SYN3: variants seen among roughly 807,000 people sequenced by gnomAD.
The protein encoded by SYN3 is synapsin-3.
A neutral mutation model predicts 65.8 loss-of-function variants in SYN3; 35 were observed. The ratio of observed to expected loss-of-function variants is 0.53; its 90% confidence interval spans 0.41 to 0.70. The LOEUF (loss-of-function observed/expected upper bound fraction) is 0.70. Ranked by LOEUF, SYN3 falls within the 30% of genes least tolerant of loss-of-function variation. SYN3 has a pLI of 0.00. For missense variants in SYN3, 680 were observed against 749.0 expected, an observed-to-expected ratio of 0.91 and a Z score of 1.08; for synonymous variants, 270 against 292.9, an observed-to-expected ratio of 0.92 and a Z score of 0.80.
intron 6 of SYN3, among the ~76,000 whole-genome samples, chr22:32,677,077 T>C (rs1017117254): frequency 3.9e-5 from 6 of 152,314 alleles, no homozygotes; most frequent in Admixed American, 2.6e-4. Flanking sequence ...ATATTGGACA[T>C]ACATGTTGTG....
intron 6 of SYN3, among the ~76,000 whole-genome samples, chr22:32,736,912 C>CT (rs1468739134): frequency 6.6e-6 from 1 of 152,124 alleles, no homozygotes; most frequent in Non-Finnish European, 1.5e-5. Flanking sequence ...CTCTCCTATT[C>CT]TTTTTTCACT....
intron 7 of SYN3, chr22:32,583,884 C>T (rs2058985187): frequency 6.6e-6 from 1 of 152,202 alleles, no homozygotes; most frequent in African/African-American, 2.4e-5. Context: ...TAGCTACGAT[C>T]AGTGACCATG....
intron 1 of SYN3, among the ~76,000 whole-genome samples, chr22:33,021,626 C>T (rs769093098): frequency 2.2e-4 from 33 of 152,192 alleles, no homozygotes; most frequent in Admixed American, 6.5e-4. Flanking sequence ...TGTCTACAGA[C>T]ACATGCGTGG....
intron 6 of SYN3, among the ~76,000 whole-genome samples, chr22:32,764,157 G>C (rs2045562915): frequency 6.6e-6 from 1 of 152,098 alleles, no homozygotes; most frequent in East Asian, 1.9e-4. Context: ...TGGCCAGGCT[G>C]GTCTCGAACT....
intron 4 of SYN3, among the ~76,000 whole-genome samples, chr22:32,913,239 C>T (rs1407951100): frequency 1.3e-5 from 2 of 151,794 alleles, no homozygotes; most frequent in Non-Finnish European, 2.9e-5. Flanking sequence ...CAGCTCACTG[C>T]AAGCTCCAGC....
chr22:32,644,101 A>AAAAAAAAAAAAAAAAAAAAGAG, intron 6 of SYN3, among the ~76,000 whole-genome samples: 1 of 71,214 alleles, frequency 1.4e-5, no homozygotes, highest in Admixed American at 1.9e-4. Context: ...AAAAAAAAAA[A>AAAAAAAAAAAAAAAAAAAAGAG]AGCGACAAGA....
intron 1 of SYN3, among the ~76,000 whole-genome samples, chr22:33,010,394 G>A (rs937068664): frequency 2.0e-5 from 3 of 152,118 alleles, no homozygotes; most frequent in South Asian, 2.1e-4. Flanking sequence ...TTTCAGCCCC[G>A]TTCATTTATC....
chr22:32,941,591 G>T (rs1284833587), intron 3 of SYN3, among the ~76,000 whole-genome samples: 1 of 150,648 alleles, frequency 6.6e-6, no homozygotes, highest in African/African-American at 2.4e-5. Context: ...GGGTGTGTCG[G>T]ACAGTGGGGG....
At chr22:32,937,290 T>C (rs1255820658) in intron 3 of SYN3, among the ~76,000 whole-genome samples, 2 of 152,126 alleles carry the variant, frequency 1.3e-5, no homozygotes, top group Admixed American at 6.5e-5. Flanking sequence ...AAAATGAAAC[T>C]TGTAGAGATA....
chr22:32,603,108 A>C (rs2146630164), intron 6 of SYN3, among the ~76,000 whole-genome samples: 1 of 151,884 alleles, frequency 6.6e-6, no homozygotes, highest in South Asian at 2.1e-4. Flanking sequence ...CCACCATATT[A>C]CCTCCAGGCT....
chr22:32,886,527 T>C (rs1022446828), intron 4 of SYN3, among the ~76,000 whole-genome samples: 2 of 152,216 alleles, frequency 1.3e-5, no homozygotes, highest in Non-Finnish European at 2.9e-5. Flanking sequence ...TAAAAATATA[T>C]ACTTTATAAA....
At chr22:33,034,227 G>C (rs2053811086) in intron 1 of SYN3, among the ~76,000 whole-genome samples, 1 of 151,230 alleles carries the variant, frequency 6.6e-6, no homozygotes, top group Non-Finnish European at 1.5e-5. Flanking sequence ...AAGTTCTCAG[G>C]ATATCTGTAT....
At chr22:32,648,959 G>A (rs2060022601) in intron 6 of SYN3, among the ~76,000 whole-genome samples, 1 of 152,230 alleles carries the variant, frequency 6.6e-6, no homozygotes, top group Non-Finnish European at 1.5e-5. Flanking sequence ...GCCCCTGGAT[G>A]TGAAGGAGTG....
chr22:33,027,814 A>G (rs889992136), intron 1 of SYN3, among the ~76,000 whole-genome samples: 5 of 152,230 alleles, frequency 3.3e-5, no homozygotes, highest in African/African-American at 1.2e-4. Flanking sequence ...AAAATTCTCA[A>G]CTAGAATCTT....
At chr22:32,598,092 C>A (rs12159212) in intron 6 of SYN3, among the ~76,000 whole-genome samples, 7,864 of 152,242 alleles carry the variant, frequency 0.052, 674 homozygotes, top group African/African-American at 0.18. Flanking sequence ...CCATGTGGAC[C>A]ATTCCCAACT....
intron 6 of SYN3, among the ~76,000 whole-genome samples, chr22:32,750,356 A>C (rs1212467107): frequency 6.6e-6 from 1 of 152,202 alleles, no homozygotes; most frequent in East Asian, 1.9e-4. Flanking sequence ...GTTTCAGGGC[A>C]AGGGCAAGGG....
intron 6 of SYN3, among the ~76,000 whole-genome samples, chr22:32,831,565 A>G (rs976632307): frequency 7.2e-5 from 11 of 152,180 alleles, no homozygotes; most frequent in Admixed American, 3.3e-4. Context: ...AAGCATTTTT[A>G]TTACCAAGGA....
intron 6 of SYN3, among the ~76,000 whole-genome samples, chr22:32,610,740 G>A (rs1307226805): frequency 6.6e-5 from 10 of 152,114 alleles, no homozygotes; most frequent in Admixed American, 5.2e-4. Flanking sequence ...ATGCCACCAC[G>A]CCTGGCTAAT....
intron 6 of SYN3, among the ~76,000 whole-genome samples, chr22:32,743,753 T>G (rs563159445): frequency 6.6e-5 from 10 of 152,084 alleles, no homozygotes; most frequent in Non-Finnish European, 1.3e-4. Flanking sequence ...CCCTCTCCTG[T>G]TCCTTCCCTC....
Sources: gnomAD v4.1 joint callset for allele counts (sites outside exome capture counted in the v4.1 genomes callset) on GRCh38, gnomAD v4.1.1 for gene constraint, MANE v1.5 for transcripts, NCBI Gene and HGNC (gene_info 2026-07-23, HGNC 2026-07-21) for gene names.